Variants in SHISAL1 observed in about 807,000 individuals in gnomAD.
SHISAL1 encodes the protein protein shisa-like-1.
SHISAL1 carries 9 observed loss-of-function variants against 22.6 expected under a neutral mutation model. The ratio of observed to expected loss-of-function variants is 0.40; its 90% CI spans 0.24 to 0.70. SHISAL1 has a LOEUF of 0.70. Among genes scored for constraint, SHISAL1 ranks in the 30% least tolerant of loss-of-function variants. The pLI is 0.39. For synonymous variants in SHISAL1, 119 were observed against 115.4 expected (o/e 1.03, Z -0.20); for missense variants, 246 against 270.6 (o/e 0.91, Z 0.64).
At chr22:44,321,560 C>G in the SHISAL1 span, among the ~76,000 whole-genome samples, 1 of 152,218 alleles carries the variant, frequency 6.6e-6, no homozygotes, top group Non-Finnish European at 1.5e-5. Flanking sequence ...GGAGCCAGAA[C>G]AGGTGACTGT....
chr22:44,281,747 G>T (rs1388612152), intron 4 of SHISAL1, among the ~76,000 whole-genome samples: 1 of 152,190 alleles, frequency 6.6e-6, no homozygotes, highest in African/African-American at 2.4e-5. Context: ...ACAGTCCAGA[G>T]AATCTGAGCA....
upstream of SHISAL1, among the ~76,000 whole-genome samples, chr22:44,313,792 C>T (rs1158124160): frequency 6.6e-6 from 1 of 152,238 alleles, no homozygotes; most frequent in African/African-American, 2.4e-5. Context: ...GAGGCCAGCC[C>T]TCCTCTGCCT....
intron 3 of SHISAL1, among the ~76,000 whole-genome samples, chr22:44,292,066 AC>A (rs2055356442): frequency 6.6e-6 from 1 of 152,222 alleles, no homozygotes; most frequent in South Asian, 2.1e-4. Context: ...GGCAGCCAGA[AC>A]CAAAACAAAC....
chr22:44,290,345 T>C (rs1453136243), intron 3 of SHISAL1, among the ~76,000 whole-genome samples: 1 of 152,104 alleles, frequency 6.6e-6, no homozygotes, highest in Non-Finnish European at 1.5e-5. Flanking sequence ...GCCTGACTAA[T>C]ACGGAGAAAC....
chr22:44,273,033 T>C (rs1442294388), intron 4 of SHISAL1, among the ~76,000 whole-genome samples: 3 of 151,506 alleles, frequency 2.0e-5, no homozygotes, highest in African/African-American at 7.3e-5. Flanking sequence ...GAGGCGGAGG[T>C]TGCTGTGAGC....
chr22:44,261,689 C>T (rs950560795), intron 4 of SHISAL1, among the ~76,000 whole-genome samples: 2 of 152,284 alleles, frequency 1.3e-5, no homozygotes, highest in Middle Eastern at 3.2e-3. Context: ...TGGAAGGAAT[C>T]TTTGGCAAAT....
intron 4 of SHISAL1, among the ~76,000 whole-genome samples, chr22:44,254,716 ATG>A (rs2055072377): frequency 6.6e-6 from 1 of 151,682 alleles, no homozygotes; most frequent in African/African-American, 2.4e-5. Flanking sequence ...GAGGAATCTA[ATG>A]AAGCAGGAGA....
chr22:44,286,140 G>T (rs1422188834), intron 3 of SHISAL1, among the ~76,000 whole-genome samples: 2 of 152,156 alleles, frequency 1.3e-5, no homozygotes, highest in East Asian at 3.9e-4. Context: ...AGGTGCCCCT[G>T]CCCCACCTTT....
rs528604744 is a variant in SHISAL1 at position 44,245,607 on chromosome 22, C to A, written c.*4078G>T. The A allele has an allele frequency of 1.3e-5, 2 of 152,544 alleles. No individual in the cohort carries two copies. The highest frequency in any genetic ancestry group is 2.4e-5 in the African/African-American group (1 of 41,584). The allele number at this position is 152,544 out of a possible 1,614,324, so 9.4% of individuals were successfully genotyped here. A position where few individuals can be genotyped will look rare whatever the true frequency, so the allele number is the denominator to read the frequency against. On this transcript the variant is annotated 3_prime_UTR_variant, in exon 5 of 5. Transcript: ENST00000381176. ...GTGATTGTGAAAGCAGCCGAGCCAG[C>A]GGAGGGGCCTGCCTGGGGATGGCAG...
chr22:44,298,369 A>G (rs546452930), intron 2 of SHISAL1, among the ~76,000 whole-genome samples: 1 of 152,328 alleles, frequency 6.6e-6, no homozygotes, highest in East Asian at 1.9e-4. Context: ...CTTGTCAGAA[A>G]TGCAGATTCT....
At chr22:44,283,634 T>C (rs2055291495) in intron 4 of SHISAL1, among the ~76,000 whole-genome samples, 1 of 152,156 alleles carries the variant, frequency 6.6e-6, no homozygotes, top group African/African-American at 2.4e-5. Flanking sequence ...ACATCCTCCA[T>C]CCCCTTGGCA....
At chr22:44,330,098 G>T in the SHISAL1 span, among the ~76,000 whole-genome samples, 3 of 152,248 alleles carry the variant, frequency 2.0e-5, no homozygotes, top group Admixed American at 1.3e-4. Flanking sequence ...AATGCCCAGA[G>T]CAGGGCCCTC....
the SHISAL1 span, among the ~76,000 whole-genome samples, chr22:44,328,180 G>A: frequency 6.6e-6 from 1 of 152,178 alleles, no homozygotes; most frequent in Non-Finnish European, 1.5e-5. Context: ...AAGTGAGACT[G>A]CGGGGCCCCT....
chr22:44,311,410 C>T (rs1048609383), intron 1 of SHISAL1, among the ~76,000 whole-genome samples: 1 of 152,224 alleles, frequency 6.6e-6, no homozygotes, highest in African/African-American at 2.4e-5. Flanking sequence ...CAGTGTATCC[C>T]TAATAAGGCT....
At chr22:44,325,750 A>C in the SHISAL1 span, among the ~76,000 whole-genome samples, 3 of 152,100 alleles carry the variant, frequency 2.0e-5, no homozygotes, top group Admixed American at 6.5e-5. Context: ...GCTTTGTAAA[A>C]AGCCACATGT....
At chr22:44,302,273 G>A (rs1423656917) in intron 1 of SHISAL1, among the ~76,000 whole-genome samples, 3 of 151,126 alleles carry the variant, frequency 2.0e-5, no homozygotes, top group African/African-American at 4.9e-5. Flanking sequence ...CTGGGAGGTG[G>A]AGGCTGCAGT....
At chr22:44,265,195 C>T (rs145580004) in intron 4 of SHISAL1, among the ~76,000 whole-genome samples, 1,550 of 152,232 alleles carry the variant, frequency 0.01, 25 homozygotes, top group African/African-American at 0.031. Context: ...CCAAGGGAGA[C>T]CAAAGGATGG....
rs367845704 is a variant in SHISAL1, at chr22:44,276,004, C to T, written c.599+9424G>A. Among the ~76,000 whole-genome samples, 78 of 152,344 alleles carry T rather than the reference C, an allele frequency of 5.1e-4. 1 individual carries two copies. The highest frequency in any genetic ancestry group is 1.8e-3 in the African/African-American group (73 of 41,574). On this transcript the variant is annotated intron_variant, in intron 4 of 4. Coordinates refer to ENST00000381176, the MANE Select transcript of SHISAL1 (RefSeq NM_001099294.2). ...CCTGTTCTATGTGCTGGGGTCACAG[C>T]TGAGCACAAGAAACACCAATCCCAA...
At chr22:44,259,386 C>T (rs1230309204) in intron 4 of SHISAL1, among the ~76,000 whole-genome samples, 22 of 151,488 alleles carry the variant, frequency 1.5e-4, no homozygotes, top group Middle Eastern at 3.2e-3. Flanking sequence ...TGCAGTGAGC[C>T]GATATCGCGC....
Sources: allele counts gnomAD v4.1 joint callset (sites outside exome capture counted in the v4.1 genomes callset), GRCh38; gene constraint gnomAD v4.1.1; transcripts MANE v1.5; gene names NCBI Gene and HGNC (gene_info 2026-07-23, HGNC 2026-07-21).